Variants in SDK1 observed in about 807,000 individuals in gnomAD.
The protein encoded by SDK1 is protein sidekick-1.
SDK1 carries 157 observed loss-of-function variants against 245.5 expected under a neutral mutation model. The ratio of observed to expected loss-of-function variants is 0.64; its 90% CI spans 0.56 to 0.73. The LOEUF (loss-of-function observed/expected upper bound fraction) is 0.73. Among genes scored for constraint, SDK1 ranks in the 30% least tolerant of loss-of-function variants. The pLI is 0.00. For synonymous variants in SDK1, 1,647 were observed against 1,278.5 expected (o/e 1.29, Z -6.15); for missense variants, 3,583 against 3,002.3 (o/e 1.19, Z -4.52).
chr7:3,822,965 C>T (rs1251137992), intron 5 of SDK1, among the ~76,000 whole-genome samples: 2 of 151,802 alleles, frequency 1.3e-5, no homozygotes, highest in South Asian at 2.1e-4. Context: ...CCCAAGTGGC[C>T]GTGATGTGCT....
intron 5 of SDK1, among the ~76,000 whole-genome samples, chr7:3,941,836 T>A (rs1780379675): frequency 1.3e-5 from 2 of 152,072 alleles, no homozygotes; most frequent in South Asian, 4.1e-4. Context: ...TTGTTACAGT[T>A]GCAGTCATCC....
chr7:4,191,709 C>T (rs76552701), intron 35 of SDK1, among the ~76,000 whole-genome samples: 6 of 152,372 alleles, frequency 3.9e-5, no homozygotes, highest in Non-Finnish European at 8.8e-5. Flanking sequence ...GGGGTTGAGT[C>T]TGCAAGGGTT....
chr7:3,550,695 T>C (rs1456297325), intron 1 of SDK1, among the ~76,000 whole-genome samples: 3 of 152,234 alleles, frequency 2.0e-5, no homozygotes, highest in Non-Finnish European at 2.9e-5. Flanking sequence ...CTCATTAAAA[T>C]ATAAAGTAAA....
At chr7:3,700,329 G>A (rs986871889) in intron 4 of SDK1, among the ~76,000 whole-genome samples, 1 of 152,186 alleles carries the variant, frequency 6.6e-6, no homozygotes, top group Non-Finnish European at 1.5e-5. Context: ...CTTTTGAGTT[G>A]TCTAAATTAT....
At chr7:3,554,358 A>T (rs1237576308) in intron 1 of SDK1, among the ~76,000 whole-genome samples, 1 of 152,256 alleles carries the variant, frequency 6.6e-6, no homozygotes, top group Admixed American at 6.5e-5. Context: ...CATGATTTAA[A>T]GATCAAGTTT....
At chr7:4,257,173 C>T (rs533965444) in intron 44 of SDK1, among the ~76,000 whole-genome samples, 3 of 152,336 alleles carry the variant, frequency 2.0e-5, no homozygotes, top group African/African-American at 2.4e-5. Context: ...CCAACCCCAT[C>T]GTACCCAATT....
chr7:3,347,606 T>G (rs1780543669), intron 1 of SDK1, among the ~76,000 whole-genome samples: 1 of 152,196 alleles, frequency 6.6e-6, no homozygotes. Context: ...GCTAATCCAC[T>G]AGAACAATAT....
chr7:4,097,145 C>G (rs62438174), intron 22 of SDK1, among the ~76,000 whole-genome samples: 2 of 152,250 alleles, frequency 1.3e-5, no homozygotes, highest in Admixed American at 6.5e-5. Context: ...AGCAGCCCAT[C>G]TCTGCAGAGG....
chr7:3,302,899 GCTGTGTT>G (rs1184793887), intron 1 of SDK1, among the ~76,000 whole-genome samples: 4 of 152,162 alleles, frequency 2.6e-5, no homozygotes, highest in South Asian at 2.1e-4. Context: ...ACTTAAATTA[GCTGTGTT>G]CTGTGTCCTG....
At chr7:4,088,567 T>TA in intron 22 of SDK1, among the ~76,000 whole-genome samples, 1 of 149,712 alleles carries the variant, frequency 6.7e-6, no homozygotes, top group Non-Finnish European at 1.5e-5. Context: ...TTTTTTTTTT[T>TA]AAAGCATAAA....
In SDK1 at chr7:3,316,040, C is replaced by G. The variant is rs142065318; in HGVS notation, c.298+14156C>G. ...TGATTCTAGTGTCAAATTCTCCCCA[C>G]AACTCTAATATAGAGTCAATTCATA... On this transcript the variant is annotated intron_variant, in intron 1 of 44. Coordinates refer to ENST00000404826, the MANE Select transcript of SDK1 (RefSeq NM_152744.4). 4.1e-3 allele frequency among the ~76,000 whole-genome samples: 624 copies of G among 152,248 alleles called. 7 individuals are homozygous for G. Among genetic ancestry groups the G allele is most frequent in the South Asian group, 0.018 (85 of 4,818 alleles).
At chr7:4,166,036 T>G (rs1781477650) in intron 32 of SDK1, among the ~76,000 whole-genome samples, 1 of 150,092 alleles carries the variant, frequency 6.7e-6, no homozygotes. Context: ...CGATCCTCCT[T>G]CCTTGACCTC....
intron 17 of SDK1, among the ~76,000 whole-genome samples, chr7:4,037,080 A>G (rs1788276431): frequency 6.6e-6 from 1 of 152,188 alleles, no homozygotes; most frequent in Non-Finnish European, 1.5e-5. Context: ...ATAACGATGC[A>G]TTGTTCATAG....
At chr7:3,678,933 T>C (rs1347930756) in intron 4 of SDK1, among the ~76,000 whole-genome samples, 3 of 151,976 alleles carry the variant, frequency 2.0e-5, no homozygotes, top group Non-Finnish European at 2.9e-5. Flanking sequence ...AAAACTTAAA[T>C]GAACAACAAC....
intron 14 of SDK1, among the ~76,000 whole-genome samples, chr7:3,996,846 T>C (rs1784725845): frequency 6.6e-6 from 1 of 152,220 alleles, no homozygotes; most frequent in South Asian, 2.1e-4. Flanking sequence ...TTGGAATAAT[T>C]TTAAATAATT....
intron 4 of SDK1, among the ~76,000 whole-genome samples, chr7:3,752,363 A>G (rs1273784619): frequency 6.6e-6 from 1 of 152,152 alleles, no homozygotes; most frequent in Non-Finnish European, 1.5e-5. Context: ...TCACTTTGAT[A>G]CATAATTACT....
chr7:3,579,753 A>G (rs555718387), intron 1 of SDK1, among the ~76,000 whole-genome samples: 8 of 152,200 alleles, frequency 5.3e-5, no homozygotes, highest in South Asian at 2.1e-4. Context: ...CAGTGTTGCA[A>G]TTCCCCAAAG....
chr7:3,529,596 G>A (rs542660947), intron 1 of SDK1, among the ~76,000 whole-genome samples: 9 of 152,206 alleles, frequency 5.9e-5, no homozygotes, highest in African/African-American at 2.2e-4. Context: ...GGCTGAGGAA[G>A]GAAGGAGTAA....
chr7:3,608,962 A>G (rs1426736707), intron 1 of SDK1, among the ~76,000 whole-genome samples: 1 of 152,216 alleles, frequency 6.6e-6, no homozygotes, highest in South Asian at 2.1e-4. Flanking sequence ...ATATTACAAG[A>G]GACTAAATGC....
Sources: allele counts gnomAD v4.1 joint callset (sites outside exome capture counted in the v4.1 genomes callset), GRCh38; gene constraint gnomAD v4.1.1; transcripts MANE v1.5; gene names NCBI Gene and HGNC (gene_info 2026-07-23, HGNC 2026-07-21).